The following BIRC6 variants were observed in gnomAD, a reference collection of about 807,000 sequenced individuals.
BIRC6 encodes dual E2 ubiquitin-conjugating enzyme/E3 ubiquitin-protein ligase BIRC6.
BIRC6 carries 98 observed loss-of-function variants against 503.3 expected under a neutral mutation model. That is an observed-to-expected ratio of 0.19 (90% CI 0.17 to 0.23). The LOEUF is 0.23. BIRC6 is among the 10% of genes least tolerant of loss of function. The pLI is 1.00. For missense variants in BIRC6, 5,360 were observed against 5,806.0 expected (o/e 0.92, Z 2.50); for synonymous variants, 2,240 against 2,078.7 (o/e 1.08, Z -2.11).
intron 10 of BIRC6, among the ~76,000 whole-genome samples, chr2:32,426,053 A>C (rs1451147937): frequency 1.3e-5 from 2 of 152,222 alleles, no homozygotes; most frequent in African/African-American, 2.4e-5. Flanking sequence ...GATTCCAATC[A>C]TACTTTCTAG....
chr2:32,446,103 G>A (rs539606768), intron 21 of BIRC6, among the ~76,000 whole-genome samples: 28 of 152,180 alleles, frequency 1.8e-4, no homozygotes, highest in Admixed American at 5.2e-4. Context: ...TGATCCGCCC[G>A]CCTCAGCCTC....
chr2:32,448,486 C>CA (rs1052034085), intron 21 of BIRC6, among the ~76,000 whole-genome samples: 4 of 151,714 alleles, frequency 2.6e-5, no homozygotes, highest in Non-Finnish European at 5.9e-5. Context: ...CCGTCTCCAC[C>CA]AAAAAAAACC....
At chr2:32,471,810 A>G (rs2049142658) in intron 32 of BIRC6, among the ~76,000 whole-genome samples, 1 of 152,122 alleles carries the variant, frequency 6.6e-6, no homozygotes, top group African/African-American at 2.4e-5. Flanking sequence ...TATGGCTTAC[A>G]TGTAGTATGT....
chr2:32,454,645 T>A (rs2047047827), intron 23 of BIRC6, among the ~76,000 whole-genome samples: 1 of 152,232 alleles, frequency 6.6e-6, no homozygotes, highest in Non-Finnish European at 1.5e-5. Flanking sequence ...CTGTTGATGG[T>A]TTTGTGTCAT....
intron 13 of BIRC6, among the ~76,000 whole-genome samples, chr2:32,434,575 T>C (rs1467391052): frequency 1.3e-5 from 2 of 152,154 alleles, no homozygotes; most frequent in Non-Finnish European, 2.9e-5. Flanking sequence ...AGACCACATG[T>C]GGTGGCTCAT....
chr2:32,470,962 A>G, intron 31 of BIRC6, 52 bp from the exon 32 acceptor site: 2 of 1,528,512 alleles, frequency 1.3e-6, no homozygotes, highest in Non-Finnish European at 1.8e-6. Flanking sequence ...AGATCTAATT[A>G]GGAATCCTAA....
At chr2:32,447,382 C>T (rs1189997737) in intron 21 of BIRC6, among the ~76,000 whole-genome samples, 1 of 150,832 alleles carries the variant, frequency 6.6e-6, no homozygotes, top group African/African-American at 2.5e-5. Context: ...GGGCGGGGGG[C>T]TGATCCCCCC....
At chr2:32,391,337 A>C (rs536138609) in intron 4 of BIRC6, among the ~76,000 whole-genome samples, 8 of 152,294 alleles carry the variant, frequency 5.3e-5, no homozygotes, top group Non-Finnish European at 8.8e-5. Context: ...GGTCTGTGGA[A>C]GGTTTGAGTT....
chr2:32,365,327 C>CTTTT (rs35830300), intron 1 of BIRC6, among the ~76,000 whole-genome samples: 1 of 143,578 alleles, frequency 7.0e-6, no homozygotes, highest in Non-Finnish European at 1.5e-5. Context: ...ATAAATGTTA[C>CTTTT]TTTTTTTTTT....
In BIRC6 at chr2:32,388,912, C is replaced by T; in HGVS notation, c.808C>T (p.Leu270Phe). 6.2e-7 allele frequency: 1 copy of T among 1,605,318 alleles called. No homozygotes were observed. Among genetic ancestry groups the T allele is most frequent in the Non-Finnish European group, 8.5e-7 (1 of 1,176,662 alleles). ...SYLLPSARPE[L>F]GVGPGRSVDR... ...CCTCTTACCTAGTGCACGTCCAGAA[C>T]TCGGAGTGGGGCCAGGCCGTTCTGT... The change falls in exon 4 of 74, where the codon CTC becomes TTC. Residue 270 changes from leucine to phenylalanine, a missense_variant. Transcript: ENST00000421745.
chr2:32,569,115 G>A (rs185799403), intron 65 of BIRC6, among the ~76,000 whole-genome samples: 3 of 150,852 alleles, frequency 2.0e-5, no homozygotes, highest in East Asian at 4.0e-4. Context: ...TCAGCCTCCC[G>A]AGTAGCTGGG....
In BIRC6 at chr2:32,464,585, A is replaced by C; in HGVS notation, c.5018A>C (p.His1673Pro). 6.2e-7 allele frequency: 1 copy of C among 1,612,218 alleles called. No individual in the cohort carries two copies. The highest frequency in any genetic ancestry group is 8.5e-7 in the Non-Finnish European group (1 of 1,178,860). Residue 1673 changes from histidine to proline, a missense_variant, in exon 25 of 74, where the codon CAC becomes CCC. By Grantham distance (77) the His-to-Pro change is moderately conservative. Around this residue, in one of 16 missense-constraint regions of BIRC6, gnomAD observed 2,299 missense variants for 2,267.2 expected, o/e 1.01. Coordinates refer to ENST00000421745, the MANE Select transcript of BIRC6 (RefSeq NM_016252.4). ...GCAGCATCAGCAGTAGGTCCTGTTC[A>C]CAACTCTGTGCCTTCCAACCCAGTG... ...AAAASAVGPV[H>P]NSVPSNPVAA... is the part of the protein sequence containing the mutation.
intron 59 of BIRC6, chr2:32,526,484 AAAAC>A (rs903040976): frequency 1.3e-4 from 20 of 152,358 alleles, no homozygotes; most frequent in African/African-American, 4.8e-4. Context: ...GTAGCACAGA[AAAAC>A]AAGCTGTTGG....
chr2:32,404,804 G>C (rs2041013515), intron 8 of BIRC6, among the ~76,000 whole-genome samples: 1 of 151,784 alleles, frequency 6.6e-6, no homozygotes, highest in African/African-American at 2.4e-5. Flanking sequence ...TGGGACTAAA[G>C]GCATGTACCA....
rs2061549382 is a variant in BIRC6, at chr2:32,594,302, A to C, written c.13501+242A>C. 2.1e-5 allele frequency: 7 copies of C among 339,666 alleles called. No homozygotes were observed. In the South Asian group the frequency reaches 4.7e-4, roughly 23 times the overall value. The allele number at this position is 339,666 out of a possible 1,614,324, so 21.0% of individuals were successfully genotyped here. A position where few individuals can be genotyped will look rare whatever the true frequency, so the allele number is the denominator to read the frequency against. ...TTAGTAGGCTGAGAACATACATTATAAATATTTCTTCCCCCTGAAATTCAT... is the reference window on the plus strand; with the variant it reads ...TTAGTAGGCTGAGAACATACATTATCAATATTTCTTCCCCCTGAAATTCAT... On this transcript the variant is annotated intron_variant, in intron 67 of 73. Transcript: ENST00000421745.
At chr2:32,364,677 A>G (rs1294916785) in intron 1 of BIRC6, among the ~76,000 whole-genome samples, 1 of 150,622 alleles carries the variant, frequency 6.6e-6, no homozygotes, top group Non-Finnish European at 1.5e-5. Flanking sequence ...AATGACTTTG[A>G]TTTGAGAAAT....
At position 32,469,489 on chromosome 2, in the gene BIRC6, A is replaced by G. The variant is rs2048899723; in HGVS notation, c.6222A>G (p.Ile2074Met). ...KHLCISGTPK[I>M]RLHTGLLLVQ... The stretch of plus-strand genomic sequence containing the variant: ...TGTGCATCAGTGGAACCCCAAAGAT[A>G]CGGTTACATACTGGTCTTCTTCTTG... Residue 2074 changes from isoleucine to methionine, a missense_variant, in exon 30 of 74, where the codon ATA becomes ATG. Ile to Met is a conservative substitution (Grantham distance 10). This residue lies in a region of BIRC6 where 2,299 missense variants were observed against 2,267.2 expected (regional missense o/e 1.01). Coordinates refer to ENST00000421745, the MANE Select transcript of BIRC6 (RefSeq NM_016252.4). 6.2e-7 allele frequency: 1 copy of G among 1,613,790 alleles called. No individual in the cohort carries two copies. The highest frequency in any genetic ancestry group is 1.1e-5 in the South Asian group (1 of 91,086).
Position 32,599,894 on chromosome 2 carries a change from T to G in BIRC6, c.13986T>G (p.Asp4662Glu). The change falls in exon 70 of 74, where the codon GAT (aspartate) becomes GAG (glutamate). Residue 4662 changes from aspartate (D) to glutamate (E), a missense_variant. Asp to Glu is a conservative substitution (Grantham distance 45). Coordinates refer to ENST00000421745, the MANE Select transcript of BIRC6 (RefSeq NM_016252.4). ...SVRFNPNLYN[D>E]GKVCLSILNT... The stretch of plus-strand genomic sequence containing the variant: ...GATTCAATCCAAACCTTTATAATGA[T>G]GGCAAGGTAAATTAATTGCAATTTT... 6.2e-7 allele frequency: 1 copy of G among 1,612,258 alleles called. No homozygotes were observed. Among genetic ancestry groups the G allele is most frequent in the Non-Finnish European group, 8.5e-7 (1 of 1,179,180 alleles).
chr2:32,481,267 C>G (rs1572524392), intron 37 of BIRC6, 53 bp from the exon 38 acceptor site: 1 of 1,402,760 alleles, frequency 7.1e-7, no homozygotes, highest in East Asian at 2.6e-5. Flanking sequence ...ATTATGTCAT[C>G]TAAATTTTAT....
Sources: allele counts gnomAD v4.1 joint callset (sites outside exome capture counted in the v4.1 genomes callset), GRCh38; gene constraint gnomAD v4.1.1; regional missense constraint gnomAD v4.1.1; transcripts MANE v1.5; gene names NCBI Gene and HGNC (gene_info 2026-07-23, HGNC 2026-07-21).